Variants in CLPSL2 observed in about 807,000 individuals in gnomAD.
CLPSL2 encodes the protein colipase like 2, also known as colipase-like protein 2.
CLPSL2 carries 4 observed loss-of-function variants against 7.9 expected under a neutral mutation model. The observed-to-expected ratio is 0.50, with a 90% CI of 0.25 to 1.15. The LOEUF (loss-of-function observed/expected upper bound fraction) is 1.15. Among genes scored for constraint, CLPSL2 ranks in the 50% most tolerant of loss-of-function variants. The pLI, the probability that CLPSL2 is intolerant of heterozygous loss-of-function variation, is 0.15. For missense variants in CLPSL2, 132 were observed against 136.6 expected (o/e 0.97, Z 0.17); for synonymous variants, 67 against 53.1 (o/e 1.26, Z -1.14).
Position 35,777,585 on chromosome 6 carries a change from A to G in CLPSL2, c.207+4A>G, listed in dbSNP as rs75729453. On this transcript the variant is annotated splice_donor_region_variant and intron_variant, in intron 2 of 2. Coordinates refer to ENST00000403376, the MANE Select transcript of CLPSL2 (RefSeq NM_207409.4). ...AACCATGATCTGCTTGCCCCAGGTGAGGCCCTAGTATGGGGCAACTTCTGG... is the reference window on the plus strand; with the variant it reads ...AACCATGATCTGCTTGCCCCAGGTGGGGCCCTAGTATGGGGCAACTTCTGG... 1.7e-3 allele frequency: 2,752 copies of G among 1,612,108 alleles called. 41 individuals carry two copies. In the African/African-American group the frequency reaches 0.03, roughly 17 times the overall value.
intron 2 of CLPSL2, chr6:35,778,011 A>C (rs1767879403): frequency 1.5e-6 from 1 of 671,510 alleles, no homozygotes. Context: ...GCTAGAGTGC[A>C]ATGGCATGAT....
At chr6:35,778,582 C>T (rs1003144823) in intron 2 of CLPSL2, among the ~76,000 whole-genome samples, 2 of 152,224 alleles carry the variant, frequency 1.3e-5, no homozygotes, top group Admixed American at 6.5e-5. Flanking sequence ...GGAGAGTGTG[C>T]AGTCCAGCAT....
chr6:35,779,259 C>A, intron 2 of CLPSL2, 96 bp from the exon 3 acceptor site: 1 of 1,002,934 alleles, frequency 1.0e-6, no homozygotes, highest in Non-Finnish European at 1.5e-6. Context: ...TGTCTTACTC[C>A]AGGCCTGGTA....
At position 35,777,498 on chromosome 6, in the gene CLPSL2, A is replaced by G; in HGVS notation, c.124A>G (p.Ser42Gly). Residue 42 changes from serine to glycine, a missense_variant, in exon 2 of 3, where the codon AGT (serine) becomes GGT (glycine). Coordinates refer to ENST00000403376, the MANE Select transcript of CLPSL2 (RefSeq NM_207409.4). ...GTGCTTCCACCACTCTGAGTGCTAC[A>G]GTGGCTGCTGCCTCATGGACTTGGA... ...DRCFHHSECY[S>G]GCCLMDLDSG... 5 of 1,613,712 alleles carry G rather than the reference A, an allele frequency of 3.1e-6. No individual in the cohort carries two copies. Among genetic ancestry groups the G allele is most frequent in the Non-Finnish European group, 4.2e-6 (5 of 1,179,794 alleles).
At chr6:35,777,933 GGTGC>G in intron 2 of CLPSL2, 1 of 716,874 alleles carries the variant, frequency 1.4e-6, no homozygotes, top group Non-Finnish European at 2.6e-6. Flanking sequence ...GCACATAGTA[GGTGC>G]TCAATAAATG....
At chr6:35,779,062 G>A (rs1055678452) in intron 2 of CLPSL2, among the ~76,000 whole-genome samples, 3 of 152,098 alleles carry the variant, frequency 2.0e-5, no homozygotes, top group Admixed American at 1.3e-4. Flanking sequence ...GTGAGCCACC[G>A]CGCATGGCCT....
chr6:35,779,293 G>A (rs1767912681), intron 2 of CLPSL2, 62 bp from the exon 3 acceptor site: 5 of 1,405,928 alleles, frequency 3.6e-6, no homozygotes, highest in Non-Finnish European at 3.9e-6. Flanking sequence ...TCCCCAAGAA[G>A]TTTAAGTCCC....
chr6:35,779,504 C>G lies in CLPSL2; in HGVS notation c.*54C>G, dbSNP rs1438151252. 1.9e-6 allele frequency: 3 copies of G among 1,551,840 alleles called. No homozygotes were observed. The highest frequency in any genetic ancestry group is 2.4e-5 in the East Asian group (1 of 40,982). On this transcript the variant is annotated 3_prime_UTR_variant, in exon 3 of 3. Coordinates refer to ENST00000403376, the MANE Select transcript of CLPSL2 (RefSeq NM_207409.4). The stretch of plus-strand genomic sequence containing the variant: ...TTGGGGCCATAGGCCCTGGTTGCCA[C>G]CAACTTGCTCCAAATCCAGCTCCTG...
At chr6:35,777,420 T>C (rs1475022169) in intron 1 of CLPSL2, 39 bp from the exon 2 acceptor site, 1 of 1,606,644 alleles carries the variant, frequency 6.2e-7, no homozygotes, top group Non-Finnish European at 8.5e-7. Flanking sequence ...GACTCAGGGA[T>C]TGCTCCCAGC....
chr6:35,777,709 A>G (rs1767872583), intron 2 of CLPSL2, 128 bp downstream of exon 2: 1 of 1,094,826 alleles, frequency 9.1e-7, no homozygotes, highest in Non-Finnish European at 1.3e-6. Context: ...CCACTTGGCA[A>G]ACTCCTACTC....
intron 1 of CLPSL2, 110 bp from the exon 2 acceptor site, chr6:35,777,349 A>G: frequency 7.8e-7 from 1 of 1,284,264 alleles, no homozygotes; most frequent in Non-Finnish European, 1.1e-6. Context: ...CAACCTCATG[A>G]CTTCTCCTGG....
intron 2 of CLPSL2, 146 bp from the exon 3 acceptor site, chr6:35,779,209 G>A (rs1201060816): frequency 5.2e-6 from 3 of 576,984 alleles, no homozygotes; most frequent in African/African-American, 1.8e-5. Context: ...TTGACTTGCT[G>A]AAGGTCACGC....
rs1767869474 is a variant in CLPSL2 at position 35,777,580 on chromosome 6, AG to A, written c.207+1del. 6.2e-7 allele frequency: 1 copy of A among 1,612,962 alleles called. No individual in the cohort carries two copies. Among genetic ancestry groups the A allele is most frequent in the African/African-American group, 1.3e-5 (1 of 74,962 alleles). ...RARITMICLP[Q>X]TKGATNIICP... ...AGAATAACCATGATCTGCTTGCCCCAGGTGAGGCCCTAGTATGGGGCAACTT... is the reference window on the plus strand; with the variant it reads ...AGAATAACCATGATCTGCTTGCCCCAGTGAGGCCCTAGTATGGGGCAACTT... On this transcript the variant is annotated frameshift_variant and splice_region_variant, in exon 2 of 3. Transcript: ENST00000403376. LOFTEE classifies it low-confidence loss of function (END_TRUNC).
Position 35,777,476 on chromosome 6 carries a change from C to T in CLPSL2, c.102C>T (p.Cys34=), listed in dbSNP as rs775422014. The T allele has an allele frequency of 6.2e-7, 1 of 1,613,746 alleles. No homozygotes were observed. Among genetic ancestry groups the T allele is most frequent in the Admixed American group, 1.7e-5 (1 of 60,004 alleles). Residue 34 remains cysteine (C), a synonymous_variant, in exon 2 of 3, where the codon TGC becomes TGT. Transcript: ENST00000403376. ...CCCCACAGAAAATCACAGACAGGTGCTTCCACCACTCTGAGTGCTACAGTG... is the reference window on the plus strand; with the variant it reads ...CCCCACAGAAAATCACAGACAGGTGTTTCCACCACTCTGAGTGCTACAGTG... ...PQYKKKITDR[C]FHHSECYSGC...
chr6:35,777,355 C>G, intron 1 of CLPSL2, 104 bp from the exon 2 acceptor site: 1 of 1,352,252 alleles, frequency 7.4e-7, no homozygotes, highest in Non-Finnish European at 1.0e-6. Flanking sequence ...CATGACTTCT[C>G]CTGGATCCCT....
At position 35,776,648 on chromosome 6, in the gene CLPSL2, G is replaced by C. The variant is rs1305245091; in HGVS notation, c.30G>C (p.Gly10=). ...CCGCAGCCCTGGCGCTCGTGGCGGG[G>C]GTCCTGTCGGGGGCGGTGCTGCCCC... MAAALALVA[G]VLSGAVLPLW... is the part of the protein sequence containing the mutation. Residue 10 remains glycine, a synonymous_variant, in exon 1 of 3, where the codon GGG becomes GGC. Transcript: ENST00000403376. 5 of 1,495,922 alleles carry C rather than the reference G, an allele frequency of 3.3e-6. No homozygotes were observed. The highest frequency in any genetic ancestry group is 4.4e-6 in the Non-Finnish European group (5 of 1,130,210). 92.7% of individuals were successfully genotyped at this position (1,495,922 alleles called of 1,614,324 possible).
chr6:35,777,762 C>A (rs1345920545), intron 2 of CLPSL2, 181 bp downstream of exon 2: 2 of 747,904 alleles, frequency 2.7e-6, no homozygotes, highest in Non-Finnish European at 4.7e-6. Context: ...AGAAGGCTTC[C>A]CTCCTTGGAG....
chr6:35,777,583 T>G lies in CLPSL2; in HGVS notation c.207+2T>G. On this transcript the variant is annotated splice_donor_variant, in intron 2 of 2. Transcript: ENST00000403376. LOFTEE classifies it high-confidence loss of function. The stretch of plus-strand genomic sequence containing the variant: ...ATAACCATGATCTGCTTGCCCCAGG[T>G]GAGGCCCTAGTATGGGGCAACTTCT... 1 of 1,612,790 alleles carries G rather than the reference T, an allele frequency of 6.2e-7. No homozygotes were observed. Among genetic ancestry groups the G allele is most frequent in the Non-Finnish European group, 8.5e-7 (1 of 1,179,404 alleles).
intron 1 of CLPSL2, 141 bp from the exon 2 acceptor site, chr6:35,777,308 CTGGGGGGGGA>C (rs771773485): frequency 7.3e-5 from 53 of 725,760 alleles, no homozygotes; most frequent in Non-Finnish European, 1.1e-4. Context: ...CGGGGTGGGG[CTGGGGGGGGA>C]ACCAGCCCCC....
Sources: allele counts gnomAD v4.1 joint callset (sites outside exome capture counted in the v4.1 genomes callset), GRCh38; gene constraint gnomAD v4.1.1; transcripts MANE v1.5; gene names NCBI Gene and HGNC (gene_info 2026-07-23, HGNC 2026-07-21).